The following SLC7A7 variants were observed in gnomAD, a reference collection of about 807,000 sequenced individuals.
SLC7A7 encodes Y+L amino acid transporter 1.
A neutral mutation model predicts 47.9 loss-of-function variants in SLC7A7; 39 were observed. That is an observed-to-expected ratio of 0.81 (90% CI 0.63 to 1.06). SLC7A7 has a LOEUF of 1.06. Ranked by LOEUF, SLC7A7 falls within the 50% of genes least tolerant of loss-of-function variation. SLC7A7 has a pLI of 0.00. For missense variants in SLC7A7, 588 were observed against 632.0 expected (o/e 0.93, Z 0.75); for synonymous variants, 234 against 242.8 (o/e 0.96, Z 0.34).
At chr14:22,802,701 A>T (rs2039136939) in intron 2 of SLC7A7, among the ~76,000 whole-genome samples, 1 of 152,174 alleles carries the variant, frequency 6.6e-6, no homozygotes. Context: ...GATTGCTACA[A>T]GAGCTTCCTA....
At chr14:22,779,746 G>A (rs192272374) in intron 3 of SLC7A7, among the ~76,000 whole-genome samples, 180 bp downstream of exon 3, 6 of 152,094 alleles carry the variant, frequency 3.9e-5, no homozygotes, top group East Asian at 1.9e-4. Context: ...GAGCCACTGC[G>A]CCCGGCCCAA....
At chr14:22,793,419 T>G (rs2038960741) in intron 2 of SLC7A7, among the ~76,000 whole-genome samples, 1 of 152,100 alleles carries the variant, frequency 6.6e-6, no homozygotes, top group Admixed American at 6.6e-5. Flanking sequence ...AGTTTATAAT[T>G]TAGACAAAGA....
In SLC7A7 at chr14:22,810,323, G is replaced by C. The variant is rs150594366; in HGVS notation, c.499+2577C>G. Among the ~76,000 whole-genome samples the C allele has an allele frequency of 4.2e-3, 634 of 151,502 alleles. 5 individuals carry two copies. Among genetic ancestry groups the C allele is most frequent in the African/African-American group, 0.015 (616 of 41,324 alleles). Reference sequence around the variant, plus strand: ...CTACTAAAAATACAAAATTAGCCGGGCATGGTAGCACATCTGTAATCCCAG... The same window carrying C: ...CTACTAAAAATACAAAATTAGCCGGCCATGGTAGCACATCTGTAATCCCAG... On this transcript the variant is annotated intron_variant, in intron 2 of 9. Coordinates refer to ENST00000674313, the MANE Select transcript of SLC7A7 (RefSeq NM_003982.4).
chr14:22,774,618 C>G, intron 7 of SLC7A7, 115 bp from the exon 8 acceptor site: 3 of 1,399,676 alleles, frequency 2.1e-6, no homozygotes, highest in Non-Finnish European at 3.0e-6. Flanking sequence ...TCTCCTGGTC[C>G]TCTTCTGGTT....
intron 2 of SLC7A7, among the ~76,000 whole-genome samples, chr14:22,798,394 A>C (rs890901009): frequency 1.3e-5 from 2 of 152,194 alleles, no homozygotes; most frequent in Non-Finnish European, 2.9e-5. Flanking sequence ...CATTGATTGA[A>C]TCCTGCCTGA....
chr14:22,811,844 CAAAAAAAAA>C (rs57356836), intron 2 of SLC7A7, among the ~76,000 whole-genome samples: 10 of 125,160 alleles, frequency 8.0e-5, no homozygotes, highest in Non-Finnish European at 1.5e-4. Context: ...GACTCTATCT[CAAAAAAAAA>C]AAAAAAAAAA....
chr14:22,818,114 G>A (rs1594991190), upstream of SLC7A7, among the ~76,000 whole-genome samples: 1 of 152,030 alleles, frequency 6.6e-6, no homozygotes. Flanking sequence ...CTAATATGAC[G>A]TAAAAGAAAG....
chr14:22,812,819 C>G, intron 2 of SLC7A7, 81 bp downstream of exon 2: 1 of 1,301,718 alleles, frequency 7.7e-7, no homozygotes, highest in East Asian at 2.5e-5. Context: ...CTCTCTATCT[C>G]CTTCTTACTC....
In SLC7A7 at chr14:22,780,042, G is replaced by A; in HGVS notation, c.509C>T (p.Thr170Ile). The A allele has an allele frequency of 6.2e-7, 1 of 1,613,966 alleles. No homozygotes were observed. Among genetic ancestry groups the A allele is most frequent in the Non-Finnish European group, 8.5e-7 (1 of 1,179,932 alleles). The change falls in exon 3 of 10, where the codon ACC becomes ATC. Residue 170 changes from threonine (T) to isoleucine (I), a missense_variant. Physicochemically the swap from Thr to Ile is moderately conservative, Grantham distance 89 (BLOSUM62 -1). Transcript: ENST00000674313. ...TTTGACATAGGCACAGTTAATGAAG[G>A]TTAAGAGACCTGAAAGAAAAATAAT... ...LLAAACICLL[T>I]FINCAYVKWG...
chr14:22,799,440 T>A (rs1478405651), intron 2 of SLC7A7, among the ~76,000 whole-genome samples: 1 of 141,750 alleles, frequency 7.1e-6, no homozygotes, highest in Non-Finnish European at 1.5e-5. Context: ...CTTTTTATTT[T>A]TTTCTTTCTT....
chr14:22,814,714 T>C (rs995693917), intron 1 of SLC7A7: 1 of 153,214 alleles, frequency 6.5e-6, no homozygotes, highest in Non-Finnish European at 1.5e-5. Flanking sequence ...AGCTAATCTG[T>C]GGGAGCGTCT....
chr14:22,800,318 C>G (rs2039090218), intron 2 of SLC7A7, among the ~76,000 whole-genome samples: 1 of 152,144 alleles, frequency 6.6e-6, no homozygotes, highest in African/African-American at 2.4e-5. Context: ...TCCAATATGC[C>G]TCAACGTCTC....
intron 2 of SLC7A7, among the ~76,000 whole-genome samples, chr14:22,809,732 G>A (rs952012137): frequency 2.6e-5 from 4 of 151,942 alleles, no homozygotes; most frequent in East Asian, 1.9e-4. Flanking sequence ...GACTGCACCC[G>A]GCCTTTGCAT....
At chr14:22,775,043 G>C (rs1318600899) in intron 7 of SLC7A7, among the ~76,000 whole-genome samples, 1 of 151,828 alleles carries the variant, frequency 6.6e-6, no homozygotes, top group Non-Finnish European at 1.5e-5. Context: ...TGCAACCCTA[G>C]CCATCAAGAT....
In SLC7A7 at chr14:22,787,431, G is replaced by A. The variant is rs1448595779; in HGVS notation, c.500-7380C>T. ...AGCCTGGGCGACAGAGTGAGACTCC[G>A]TCTCAAAATAAATAAATAAATAAAT... On this transcript the variant is annotated intron_variant, in intron 2 of 9. Coordinates refer to ENST00000674313, the MANE Select transcript of SLC7A7 (RefSeq NM_003982.4). Among the ~76,000 whole-genome samples the A allele has an allele frequency of 2.0e-4, 23 of 116,152 alleles. 1 individual carries two copies. Among genetic ancestry groups the A allele is most frequent in the African/African-American group, 3.5e-4 (11 of 31,332 alleles). 76.2% of individuals were successfully genotyped at this position (116,152 alleles called of 152,430 possible).
intron 2 of SLC7A7, among the ~76,000 whole-genome samples, chr14:22,802,796 A>C (rs1477182299): frequency 6.6e-6 from 1 of 152,046 alleles, no homozygotes; most frequent in Admixed American, 6.6e-5. Flanking sequence ...ATGGTTCCTC[A>C]TATGCTTTGA....
intron 3 of SLC7A7, among the ~76,000 whole-genome samples, chr14:22,779,567 G>A (rs2139396363): frequency 1.3e-5 from 2 of 151,864 alleles, no homozygotes; most frequent in South Asian, 4.2e-4. Flanking sequence ...CGATTCTCCT[G>A]CCTCAGCCTC....
chr14:22,807,887 C>T (rs767587251), intron 2 of SLC7A7, among the ~76,000 whole-genome samples: 1 of 152,164 alleles, frequency 6.6e-6, no homozygotes, highest in South Asian at 2.1e-4. Context: ...TTAGGTCGGG[C>T]GTGGTAGCTC....
At chr14:22,811,958 C>T (rs989830174) in intron 2 of SLC7A7, among the ~76,000 whole-genome samples, 1 of 151,722 alleles carries the variant, frequency 6.6e-6, no homozygotes, top group African/African-American at 2.4e-5. Context: ...AACCAACGTA[C>T]ATGGCCATTA....
Sources: allele counts gnomAD v4.1 joint callset (sites outside exome capture counted in the v4.1 genomes callset), GRCh38; gene constraint gnomAD v4.1.1; transcripts MANE v1.5; gene names NCBI Gene and HGNC (gene_info 2026-07-23, HGNC 2026-07-21).